PCDHGB7: variants seen among roughly 807,000 people sequenced by gnomAD.
PCDHGB7 encodes the protein protocadherin gamma subfamily B, 7, also known as protocadherin gamma-B7.
A neutral mutation model predicts 61.4 loss-of-function variants in PCDHGB7; 37 were observed. The observed-to-expected ratio is 0.60, with a 90% CI of 0.46 to 0.79. The LOEUF (loss-of-function observed/expected upper bound fraction) is 0.79, where lower values mean the gene tolerates loss of function less well. PCDHGB7 is among the 30% of genes least tolerant of loss of function. The pLI is 0.00. For missense variants in PCDHGB7, 1,166 were observed against 1,202.5 expected (o/e 0.97, Z 0.45); for synonymous variants, 464 against 503.5 (o/e 0.92, Z 1.05).
chr5:141,501,130 G>A (rs528942194), intron 2 of PCDHGB7, among the ~76,000 whole-genome samples: 5 of 152,100 alleles, frequency 3.3e-5, no homozygotes, highest in African/African-American at 4.8e-5. Flanking sequence ...GCCTCCCTAA[G>A]TGCTGGGATT....
At chr5:141,499,272 GT>G (rs772636179) in intron 2 of PCDHGB7, among the ~76,000 whole-genome samples, 3 of 152,122 alleles carry the variant, frequency 2.0e-5, no homozygotes, top group Non-Finnish European at 4.4e-5. Flanking sequence ...TCCCTAGACT[GT>G]TCTCTGATGG....
intron 1 of PCDHGB7, among the ~76,000 whole-genome samples, chr5:141,484,819 G>A (rs2099601374): frequency 1.3e-5 from 2 of 152,122 alleles, no homozygotes; most frequent in Admixed American, 1.3e-4. Flanking sequence ...GCCGTTGAGC[G>A]GGAGGAAGGC....
intron 1 of PCDHGB7, among the ~76,000 whole-genome samples, chr5:141,460,981 G>A (rs35435563): frequency 1.6e-4 from 20 of 121,900 alleles, no homozygotes; most frequent in African/African-American, 3.7e-4. Context: ...GTGTGTGTGT[G>A]TGTATATATA....
intron 3 of PCDHGB7, among the ~76,000 whole-genome samples, chr5:141,508,506 C>G (rs2099869342): frequency 6.6e-6 from 1 of 152,180 alleles, no homozygotes; most frequent in Admixed American, 6.5e-5. Context: ...TCTCTCCCTC[C>G]TGGTCCAGCC....
rs115982940 is a variant in PCDHGB7, at chr5:141,457,996, G to A, written c.2416-36811G>A. On this transcript the variant is annotated intron_variant, in intron 1 of 3. Transcript: ENST00000398594. ...AACACACCCTTTCAGTTAAAGCCTTGGCAAAATAACCGGTTTTTCCAATTG... is the reference window on the plus strand; with the variant it reads ...AACACACCCTTTCAGTTAAAGCCTTAGCAAAATAACCGGTTTTTCCAATTG... Among the ~76,000 whole-genome samples the A allele has an allele frequency of 2.4e-3, 372 of 152,212 alleles. 2 individuals carry two copies. Among genetic ancestry groups the A allele is most frequent in the African/African-American group, 8.4e-3 (347 of 41,522 alleles).
rs111954647 is a variant in PCDHGB7, at chr5:141,419,345, C to T, written c.1486C>T (p.Leu496=). Residue 496 remains leucine (L), a synonymous_variant, in exon 1 of 4, where the codon CTG becomes TTG. Transcript: ENST00000398594. The part of the protein sequence containing the change: ...RVSYSLIASD[L]ESRTLSSYVS... ...CTCCTACTCTCTCATTGCCAGCGAC[C>T]TGGAGTCACGAACGCTGTCGTCCTA... 6.2e-6 allele frequency: 10 copies of T among 1,613,858 alleles called. No individual in the cohort carries two copies. Among genetic ancestry groups the T allele is most frequent in the African/African-American group, 2.7e-5 (2 of 75,080 alleles).
intron 2 of PCDHGB7, among the ~76,000 whole-genome samples, chr5:141,495,834 C>T (rs1366861675): frequency 6.6e-6 from 1 of 152,198 alleles, no homozygotes; most frequent in African/African-American, 2.4e-5. Context: ...CTATCCCCAG[C>T]CTCTATGTTT....
intron 1 of PCDHGB7, among the ~76,000 whole-genome samples, chr5:141,472,815 C>T (rs1562036829): frequency 1.3e-5 from 2 of 151,596 alleles, no homozygotes; most frequent in East Asian, 1.9e-4. Flanking sequence ...GAGAAACCCC[C>T]GTCTCTACTA....
intron 1 of PCDHGB7, among the ~76,000 whole-genome samples, chr5:141,468,782 C>T (rs1280972843): frequency 2.0e-5 from 3 of 151,990 alleles, no homozygotes; most frequent in East Asian, 3.9e-4. Context: ...AGGAGAATGG[C>T]GTGAACCCGG....
In PCDHGB7 at chr5:141,486,708, C is replaced by A; in HGVS notation, c.2416-8099C>A. On this transcript the variant is annotated intron_variant, in intron 1 of 3. Transcript: ENST00000398594. The surrounding 1 kb of genome is among the most constrained non-coding windows in gnomAD (Gnocchi z 5.0). ...GCTTCCTCTTTCATCTCTCTGAACC[C>A]CCAGACAGGAGCTGTTCATGCTACT... is the stretch of plus-strand genomic sequence containing the variant. 6.2e-7 allele frequency: 1 copy of A among 1,614,180 alleles called. No individual in the cohort carries two copies. Among genetic ancestry groups the A allele is most frequent in the South Asian group, 1.1e-5 (1 of 91,084 alleles).
At position 141,478,875 on chromosome 5, in the gene PCDHGB7, G is replaced by A. The variant is rs913320768; in HGVS notation, c.2416-15932G>A. On this transcript the variant is annotated intron_variant, in intron 1 of 3. Coordinates refer to ENST00000398594, the MANE Select transcript of PCDHGB7 (RefSeq NM_018927.4). ...ACAAGATCTCAGCGATCAGAGTTTA[G>A]CTTGGTATCATTTACATTAGGAATA... The A allele has an allele frequency of 2.4e-6, 3 of 1,273,470 alleles. No homozygotes were observed. The South Asian group carries it at 4.8e-5, about 21-fold the overall frequency. 78.9% of individuals were successfully genotyped at this position (1,273,470 alleles called of 1,614,324 possible).
At chr5:141,437,445 T>C (rs187869679) in intron 1 of PCDHGB7, among the ~76,000 whole-genome samples, 1 of 152,348 alleles carries the variant, frequency 6.6e-6, no homozygotes, top group East Asian at 1.9e-4. Flanking sequence ...CATAGGAATG[T>C]TGAGGAGACT....
intron 1 of PCDHGB7, among the ~76,000 whole-genome samples, chr5:141,437,777 C>T (rs998490046): frequency 2.0e-5 from 3 of 148,970 alleles, no homozygotes; most frequent in Admixed American, 6.7e-5. Context: ...CTCAATCTGT[C>T]GCCAAGCTGG....
At chr5:141,505,804 G>A (rs554534524) in intron 3 of PCDHGB7, among the ~76,000 whole-genome samples, 13 of 152,240 alleles carry the variant, frequency 8.5e-5, no homozygotes, top group Admixed American at 3.3e-4. Context: ...GACTTGGATC[G>A]ACTTGCTCAA....
At position 141,431,335 on chromosome 5, in the gene PCDHGB7, C is replaced by A. The variant is rs747132346; in HGVS notation, c.2415+11061C>A. On this transcript the variant is annotated intron_variant, in intron 1 of 3. Transcript: ENST00000398594. This position sits in a 1 kb window ranked among gnomAD's most constrained non-coding sequence, Gnocchi z 4.8. ...ATGGAGCCGACGGTAGTAAGTACCCCGAATTGGTGCTGAAACGCGCCCTGG... is the reference window on the plus strand; with the variant it reads ...ATGGAGCCGACGGTAGTAAGTACCCAGAATTGGTGCTGAAACGCGCCCTGG... 11 of 1,613,944 alleles carry A rather than the reference C, an allele frequency of 6.8e-6. No homozygotes were observed. The Admixed American group carries it at 1.5e-4, about 22-fold the overall frequency.
chr5:141,472,412 G>A (rs1283620276), intron 1 of PCDHGB7, among the ~76,000 whole-genome samples: 8 of 151,940 alleles, frequency 5.3e-5, no homozygotes, highest in Non-Finnish European at 8.8e-5. Context: ...GTGGTGGCAC[G>A]CACCTGTATC....
At chr5:141,496,400 A>G (rs540108338) in intron 2 of PCDHGB7, among the ~76,000 whole-genome samples, 2 of 152,240 alleles carry the variant, frequency 1.3e-5, no homozygotes, top group East Asian at 3.9e-4. Flanking sequence ...TACCTCCTCA[A>G]TGGTTGAGTA....
chr5:141,464,180 G>T (rs1251683320), intron 1 of PCDHGB7, among the ~76,000 whole-genome samples: 1 of 151,340 alleles, frequency 6.6e-6, no homozygotes, highest in Non-Finnish European at 1.5e-5. Flanking sequence ...CAGGAGAATT[G>T]CTTGATTTCA....
Position 141,476,217 on chromosome 5 carries a change from A to G in PCDHGB7, c.2416-18590A>G. On this transcript the variant is annotated intron_variant, in intron 1 of 3. Coordinates refer to ENST00000398594, the MANE Select transcript of PCDHGB7 (RefSeq NM_018927.4). This position sits in a 1 kb window ranked among gnomAD's most constrained non-coding sequence, Gnocchi z 7.6. ...TTGAACAAGGCTTCCACGGTCATTC[A>G]CTATGAGATCCCGGAGGAAAGAGAG... The G allele has an allele frequency of 6.2e-7, 1 of 1,613,836 alleles. No homozygotes were observed. The highest frequency in any genetic ancestry group is 2.2e-5 in the East Asian group (1 of 44,818).
Sources: gnomAD v4.1 joint callset for allele counts (sites outside exome capture counted in the v4.1 genomes callset) on GRCh38, gnomAD v4.1.1 for gene constraint, Gnocchi (gnomAD v3.1) non-coding constraint, MANE v1.5 for transcripts, NCBI Gene and HGNC (gene_info 2026-07-23, HGNC 2026-07-21) for gene names.